KIF26B: variants seen among roughly 807,000 people sequenced by gnomAD.
The protein encoded by KIF26B is kinesin-like protein KIF26B.
A neutral mutation model predicts 151.2 loss-of-function variants in KIF26B; 63 were observed. That is an observed-to-expected ratio of 0.42 (90% CI 0.34 to 0.51). KIF26B has a LOEUF of 0.51. Ranked by LOEUF, KIF26B falls within the 20% of genes least tolerant of loss-of-function variation. KIF26B has a pLI of 0.07. For missense variants in KIF26B, 2,813 were observed against 2,913.6 expected (o/e 0.97, Z 0.79); for synonymous variants, 1,357 against 1,262.1 (o/e 1.08, Z -1.59).
chr1:245,393,896 C>G (rs1026750155), intron 3 of KIF26B, among the ~76,000 whole-genome samples: 1 of 152,160 alleles, frequency 6.6e-6, no homozygotes, highest in Non-Finnish European at 1.5e-5. Context: ...TAATCTCTGC[C>G]AGATGGGGAG....
rs1673245512 is a variant in KIF26B, at chr1:245,375,222, A to T, written c.999+7855A>T. Reference sequence around the variant, plus strand: ...CTGCCTCAACCTCGGGATTACAGGCATGGACCACCATGTCCGGCTAATTTT... The same window carrying T: ...CTGCCTCAACCTCGGGATTACAGGCTTGGACCACCATGTCCGGCTAATTTT... On this transcript the variant is annotated intron_variant, in intron 3 of 14. Transcript: ENST00000407071. This position sits in a 1 kb window ranked among gnomAD's most constrained non-coding sequence, Gnocchi z 4.2. Among the ~76,000 whole-genome samples, 1 of 152,150 alleles carries T rather than the reference A, an allele frequency of 6.6e-6. No homozygotes were observed. The highest frequency in any genetic ancestry group is 1.5e-5 in the Non-Finnish European group (1 of 68,024).
chr1:245,255,057 T>A (rs778766836), intron 2 of KIF26B, among the ~76,000 whole-genome samples: 1 of 152,164 alleles, frequency 6.6e-6, no homozygotes, highest in Non-Finnish European at 1.5e-5. Flanking sequence ...CATGAATGGA[T>A]TAATGTCATT....
chr1:245,619,603 C>CAAAAAAAAAAAAAAAA (rs34022501), intron 9 of KIF26B, among the ~76,000 whole-genome samples: 3 of 110,774 alleles, frequency 2.7e-5, no homozygotes, highest in Non-Finnish European at 1.8e-5. Context: ...GAAACTGTTT[C>CAAAAAAAAAAAAAAAA]AAAAAAAAAA....
intron 4 of KIF26B, among the ~76,000 whole-genome samples, chr1:245,447,778 C>A (rs1365891369): frequency 6.6e-6 from 1 of 152,154 alleles, no homozygotes; most frequent in Admixed American, 6.5e-5. Flanking sequence ...TACCCTTGTC[C>A]TAGAAATTTC....
intron 4 of KIF26B, among the ~76,000 whole-genome samples, chr1:245,425,547 C>T (rs572309074): frequency 1.3e-5 from 2 of 152,292 alleles, no homozygotes; most frequent in East Asian, 3.9e-4. Flanking sequence ...GCTGGGACTA[C>T]AGGCGTCCAA....
chr1:245,587,295 A>G (rs909552465), intron 5 of KIF26B, among the ~76,000 whole-genome samples: 3 of 152,052 alleles, frequency 2.0e-5, no homozygotes, highest in East Asian at 1.9e-4. Flanking sequence ...GTACTACTCT[A>G]TTATGCTGGG....
In KIF26B at chr1:245,540,524, T is replaced by C. The variant is rs950127060; in HGVS notation, c.1167-243T>C. 5 of 686,982 alleles carry C rather than the reference T, an allele frequency of 7.3e-6. No individual in the cohort carries two copies. The Admixed American group carries it at 1.0e-4, about 14-fold the overall frequency. The allele number at this position is 686,982 out of a possible 1,614,324, so 42.6% of individuals were successfully genotyped here. A position where few individuals can be genotyped will look rare whatever the true frequency, so the allele number is the denominator to read the frequency against. ...TGGATAACACATCATTCTTTGTAAA[T>C]CGTGATTGCAGAATCCTGCTATTTT... On this transcript the variant is annotated intron_variant, in intron 4 of 14. Transcript: ENST00000407071. This position sits in a 1 kb window ranked among gnomAD's most constrained non-coding sequence, Gnocchi z 4.6.
At chr1:245,348,362 G>A (rs76500155) in intron 2 of KIF26B, among the ~76,000 whole-genome samples, 1,699 of 152,160 alleles carry the variant, frequency 0.011, 32 homozygotes, top group African/African-American at 0.037. Flanking sequence ...GAGACTGTTG[G>A]TCTTAGTCTG....
At chr1:245,165,918 A>G (rs1668607855) in intron 2 of KIF26B, among the ~76,000 whole-genome samples, 3 of 152,152 alleles carry the variant, frequency 2.0e-5, no homozygotes, top group Non-Finnish European at 4.4e-5. Context: ...ATAGATTGAG[A>G]GGTGAGGACA....
chr1:245,418,107 C>A (rs1282739597), intron 3 of KIF26B, among the ~76,000 whole-genome samples: 2 of 152,220 alleles, frequency 1.3e-5, no homozygotes, highest in African/African-American at 4.8e-5. Context: ...TGCATCGCCA[C>A]ATCCTCAGCT....
intron 4 of KIF26B, among the ~76,000 whole-genome samples, chr1:245,454,370 T>C (rs1659465886): frequency 1.3e-5 from 2 of 152,172 alleles, no homozygotes; most frequent in South Asian, 4.1e-4. Flanking sequence ...CAAAGAAGGA[T>C]GGAAATAAAA....
chr1:245,619,790 G>A (rs1339615151), intron 9 of KIF26B, among the ~76,000 whole-genome samples: 1 of 150,014 alleles, frequency 6.7e-6, no homozygotes, highest in Non-Finnish European at 1.5e-5. Flanking sequence ...GCGGGCGCCT[G>A]TAGTCCCAGC....
At chr1:245,590,784 C>T (rs995655855) in intron 5 of KIF26B, among the ~76,000 whole-genome samples, 1 of 151,692 alleles carries the variant, frequency 6.6e-6, no homozygotes, top group Non-Finnish European at 1.5e-5. Flanking sequence ...TGTATGTGTG[C>T]GTCATCCTAG....
intron 1 of KIF26B, among the ~76,000 whole-genome samples, chr1:245,156,075 C>CGCAG (rs1400329629): frequency 2.6e-5 from 4 of 152,278 alleles, no homozygotes; most frequent in Admixed American, 1.3e-4. Context: ...CGGGGACCAG[C>CGCAG]GCAGGGGTCA....
At chr1:245,315,721 A>AC (rs1341321491) in intron 2 of KIF26B, among the ~76,000 whole-genome samples, 2 of 151,684 alleles carry the variant, frequency 1.3e-5, no homozygotes, top group Non-Finnish European at 2.9e-5. Flanking sequence ...AAAAAAAAAA[A>AC]AAAAAGAAAA....
chr1:245,707,287 A>G lies in KIF26B; in HGVS notation c.*4681A>G, dbSNP rs2044854508. 6.6e-6 allele frequency: 1 copy of G among 152,202 alleles called. No homozygotes were observed. Among genetic ancestry groups the G allele is most frequent in the Non-Finnish European group, 1.5e-5 (1 of 68,050 alleles). The allele number at this position is 152,202 out of a possible 1,614,324, so 9.4% of individuals were successfully genotyped here. On this transcript the variant is annotated 3_prime_UTR_variant, in exon 15 of 15. Transcript: ENST00000407071. ...CATACAAACCTTAATCTCTAAGCATAGTTGTTCCCAAGGTCCACACGTGTG... is the reference window on the plus strand; with the variant it reads ...CATACAAACCTTAATCTCTAAGCATGGTTGTTCCCAAGGTCCACACGTGTG...
intron 10 of KIF26B, among the ~76,000 whole-genome samples, chr1:245,658,573 G>A (rs2044099921): frequency 6.6e-6 from 1 of 151,808 alleles, no homozygotes; most frequent in African/African-American, 2.4e-5. Context: ...TATATTTTTT[G>A]TAGAGACGGG....
At chr1:245,267,977 T>A (rs1408167688) in intron 2 of KIF26B, among the ~76,000 whole-genome samples, 1 of 152,108 alleles carries the variant, frequency 6.6e-6, no homozygotes, top group Non-Finnish European at 1.5e-5. Flanking sequence ...CTTGTCCTAA[T>A]CACCAGGAAG....
intron 9 of KIF26B, among the ~76,000 whole-genome samples, chr1:245,636,291 C>A (rs569807398): frequency 6.6e-6 from 1 of 151,988 alleles, no homozygotes; most frequent in South Asian, 2.1e-4. Context: ...AGAACATGAG[C>A]CACATAAATT....
Sources: gnomAD v4.1 joint callset for allele counts (sites outside exome capture counted in the v4.1 genomes callset) on GRCh38, gnomAD v4.1.1 for gene constraint, Gnocchi (gnomAD v3.1) non-coding constraint, MANE v1.5 for transcripts, NCBI Gene and HGNC (gene_info 2026-07-23, HGNC 2026-07-21) for gene names.